The following KIAA1217 variants were observed in gnomAD, a reference collection of about 807,000 sequenced individuals.
KIAA1217 encodes the protein KIAA1217.
A neutral mutation model predicts 163.9 loss-of-function variants in KIAA1217; 88 were observed. That is an observed-to-expected ratio of 0.54 (90% CI 0.45 to 0.64). The LOEUF is 0.64. Ranked by LOEUF, KIAA1217 falls within the 30% of genes least tolerant of loss-of-function variation. The pLI is 0.00. For missense variants in KIAA1217, 2,372 were observed against 2,475.0 expected (o/e 0.96, Z 0.88); for synonymous variants, 903 against 923.1 (o/e 0.98, Z 0.39).
intron 2 of KIAA1217, among the ~76,000 whole-genome samples, chr10:24,028,652 T>C (rs773548463): frequency 9.2e-5 from 14 of 152,114 alleles, no homozygotes; most frequent in Non-Finnish European, 2.1e-4. Flanking sequence ...CAAAGGGAAA[T>C]GTATTATTGC....
intron 2 of KIAA1217, among the ~76,000 whole-genome samples, chr10:24,283,294 G>T (rs1474067495): frequency 1.3e-5 from 2 of 152,064 alleles, no homozygotes; most frequent in Admixed American, 6.6e-5. Flanking sequence ...TTTCAGAGTG[G>T]CTTCTTCCAC....
At chr10:24,534,977 C>T (rs1035402312) in intron 16 of KIAA1217, among the ~76,000 whole-genome samples, 8 of 151,972 alleles carry the variant, frequency 5.3e-5, no homozygotes, top group Non-Finnish European at 1.0e-4. Context: ...AGAAACCCAG[C>T]CTGCTAAATC....
chr10:24,132,771 A>T (rs2063700452), intron 2 of KIAA1217, among the ~76,000 whole-genome samples: 1 of 152,180 alleles, frequency 6.6e-6, no homozygotes, highest in South Asian at 2.1e-4. Flanking sequence ...TTTCGTGAGG[A>T]TAATTTCTAT....
Position 24,546,323 on chromosome 10 carries a change from A to G in KIAA1217, c.5831A>G (p.Ter1944=), listed in dbSNP as rs772655930. Residue 1944 remains the stop codon, a stop_retained_variant, in exon 21 of 21, where the codon TAA becomes TGA. Coordinates refer to ENST00000376454, the MANE Select transcript of KIAA1217 (RefSeq NM_019590.5). The part of the protein sequence containing the change: ...ATPSTAKETS[*] Reference sequence around the variant, plus strand: ...CCATCCACAGCAAAAGAAACCTCTTAAAGGTCAAATCCTATTAGGCACAAG... The same window carrying G: ...CCATCCACAGCAAAAGAAACCTCTTGAAGGTCAAATCCTATTAGGCACAAG... 4 of 1,590,136 alleles carry G rather than the reference A, an allele frequency of 2.5e-6. No individual in the cohort carries two copies. The Admixed American group carries it at 5.4e-5, about 22-fold the overall frequency.
chr10:23,955,161 G>T (rs755605115), intron 1 of KIAA1217, among the ~76,000 whole-genome samples: 6 of 152,176 alleles, frequency 3.9e-5, no homozygotes, highest in Admixed American at 2.0e-4. Context: ...GAACACAAAA[G>T]TTCACAGAGG....
intron 1 of KIAA1217, among the ~76,000 whole-genome samples, chr10:23,907,402 G>A (rs1282442809): frequency 6.6e-6 from 1 of 151,892 alleles, no homozygotes; most frequent in East Asian, 1.9e-4. Context: ...AGCATGGGAT[G>A]TGGTTCATAC....
chr10:23,957,077 C>A (rs955665477), intron 1 of KIAA1217, among the ~76,000 whole-genome samples: 1 of 152,166 alleles, frequency 6.6e-6, no homozygotes, highest in African/African-American at 2.4e-5. Context: ...CTTTGAACAT[C>A]AGTCTGTCCT....
chr10:23,710,798 T>G (rs1360477235), intron 1 of KIAA1217, among the ~76,000 whole-genome samples: 3 of 152,134 alleles, frequency 2.0e-5, no homozygotes, highest in Non-Finnish European at 4.4e-5. Flanking sequence ...CAAAATAATC[T>G]CCAGGTAGCT....
At position 24,039,420 on chromosome 10, in the gene KIAA1217, A is replaced by G. The variant is rs562577780; in HGVS notation, c.-171+32046A>G. On this transcript the variant is annotated intron_variant, in intron 2 of 18. Transcript: ENST00000376462. ...TGGTCGATTCCCAGGCTAGTGATAT[A>G]CAACGCAATACTCCCTCGATATGCT... Among the ~76,000 whole-genome samples the G allele has an allele frequency of 7.2e-5, 11 of 152,284 alleles. No homozygotes were observed. In the South Asian group the frequency reaches 2.3e-3, roughly 32 times the overall value.
In KIAA1217 at chr10:24,174,029, C is replaced by A. The variant is rs369409694; in HGVS notation, c.-170-45597C>A. Among the ~76,000 whole-genome samples the A allele has an allele frequency of 4.9e-4, 74 of 152,276 alleles. 1 individual carries two copies. Among genetic ancestry groups the A allele is most frequent in the African/African-American group, 1.8e-3 (73 of 41,554 alleles). Reference sequence around the variant, plus strand: ...GTTCTCTTCCATCATGGAAATGCACCATTCTAATTCCAGTTGATCTCTGTG... The same window carrying A: ...GTTCTCTTCCATCATGGAAATGCACAATTCTAATTCCAGTTGATCTCTGTG... On this transcript the variant is annotated intron_variant, in intron 2 of 18. Transcript: ENST00000376462.
intron 2 of KIAA1217, among the ~76,000 whole-genome samples, chr10:24,228,324 T>C (rs2070880479): frequency 6.6e-6 from 1 of 151,916 alleles, no homozygotes; most frequent in African/African-American, 2.4e-5. Flanking sequence ...GAGAAGTATG[T>C]CTTAAAGCTG....
At chr10:24,059,931 C>A (rs1228996894) in intron 2 of KIAA1217, among the ~76,000 whole-genome samples, 1 of 152,140 alleles carries the variant, frequency 6.6e-6, no homozygotes, top group Non-Finnish European at 1.5e-5. Context: ...GGAATGTATC[C>A]ATTTCATCTA....
chr10:23,866,140 C>T (rs979732090), intron 1 of KIAA1217, among the ~76,000 whole-genome samples: 1 of 152,100 alleles, frequency 6.6e-6, no homozygotes, highest in African/African-American at 2.4e-5. Flanking sequence ...TCTGCTGTAG[C>T]AAAGCAAAAA....
At chr10:24,489,240 CA>C (rs899981242) in intron 6 of KIAA1217, among the ~76,000 whole-genome samples, 283 of 133,178 alleles carry the variant, frequency 2.1e-3, no homozygotes, top group Middle Eastern at 3.9e-3. Flanking sequence ...GACCTTGTCT[CA>C]AAAAAAAAAA....
chr10:24,275,123 T>C (rs570252795), intron 2 of KIAA1217, among the ~76,000 whole-genome samples: 2 of 152,200 alleles, frequency 1.3e-5, no homozygotes, highest in South Asian at 2.1e-4. Context: ...TTTTATTTTT[T>C]TGTAGAGGCA....
chr10:24,241,761 T>C (rs768535811), intron 2 of KIAA1217, among the ~76,000 whole-genome samples: 1 of 152,238 alleles, frequency 6.6e-6, no homozygotes, highest in Non-Finnish European at 1.5e-5. Flanking sequence ...ATGTTTTTCA[T>C]TGTGCTATTT....
chr10:24,496,619 C>G (rs2066821410), intron 8 of KIAA1217, among the ~76,000 whole-genome samples: 1 of 152,190 alleles, frequency 6.6e-6, no homozygotes, highest in South Asian at 2.1e-4. Context: ...CATGCATTCA[C>G]TCATGAACTC....
chr10:24,188,013 T>C (rs7911449), intron 2 of KIAA1217, among the ~76,000 whole-genome samples: 5,671 of 150,914 alleles, frequency 0.038, 364 homozygotes, highest in African/African-American at 0.12. Context: ...GCTTGGCCAA[T>C]ATGGCAAAAC....
intron 1 of KIAA1217, among the ~76,000 whole-genome samples, chr10:23,856,694 C>T (rs188379205): frequency 1.5e-3 from 230 of 152,372 alleles, no homozygotes; most frequent in African/African-American, 5.3e-3. Context: ...CTTTGTTTAC[C>T]TAAGCAAACC....
Sources: allele counts gnomAD v4.1 joint callset (sites outside exome capture counted in the v4.1 genomes callset), GRCh38; gene constraint gnomAD v4.1.1; transcripts MANE v1.5; gene names NCBI Gene and HGNC (gene_info 2026-07-23, HGNC 2026-07-21).